The following CD300A variants were observed in gnomAD, a reference collection of about 807,000 sequenced individuals.
CD300A encodes the protein CD300a molecule, also known as CMRF35-like molecule 8.
In CD300A, 22 loss-of-function variants were observed where a neutral mutation model predicts 33.6. The ratio of observed to expected loss-of-function variants is 0.66; its 90% confidence interval spans 0.47 to 0.94. CD300A has a LOEUF of 0.94. Among genes scored for constraint, CD300A ranks in the 40% least tolerant of loss-of-function variants. The pLI, the probability that CD300A is intolerant of heterozygous loss-of-function variation, is 0.00. For synonymous variants in CD300A, 136 were observed against 148.1 expected (o/e 0.92, Z 0.59); for missense variants, 326 against 360.5 (o/e 0.90, Z 0.77).
chr17:74,480,240 C>T lies in CD300A; in HGVS notation c.629-1049C>T, dbSNP rs1303224282. Among the ~76,000 whole-genome samples the T allele has an allele frequency of 6.6e-6, 1 of 152,122 alleles. No homozygotes were observed. The highest frequency in any genetic ancestry group is 2.4e-5 in the African/African-American group (1 of 41,440). On this transcript the variant is annotated intron_variant, in intron 4 of 6. Transcript: ENST00000360141. The surrounding 1 kb of genome is among the most constrained non-coding windows in gnomAD (Gnocchi z 4.2). ...GTCACTATACGTGGTCTTGTGTCTC[C>T]CAACCGTGGGCTCCTCCCCTTTAAT...
Position 74,483,893 on chromosome 17 carries a change from G to A in CD300A, c.775-108G>A, listed in dbSNP as rs145985844. The stretch of plus-strand genomic sequence containing the variant: ...GCCAGGACAGTGGAGCCTCTACAGT[G>A]AGGCCTCCCCAAAGCCCCTCAGGTG... On this transcript the variant is annotated intron_variant, in intron 6 of 6. Coordinates refer to ENST00000360141, the MANE Select transcript of CD300A (RefSeq NM_007261.4). The A allele has an allele frequency of 1.6e-4, 209 of 1,276,534 alleles. 1 individual carries two copies. In the African/African-American group the frequency reaches 2.6e-3, roughly 16 times the overall value. 79.1% of individuals were successfully genotyped at this position (1,276,534 alleles called of 1,614,324 possible).
chr17:74,475,137 G>A (rs1356031546), intron 3 of CD300A, among the ~76,000 whole-genome samples: 1 of 152,114 alleles, frequency 6.6e-6, no homozygotes, highest in Non-Finnish European at 1.5e-5. Context: ...AAGGCAGAAG[G>A]CAAAAGGCAT....
intron 3 of CD300A, among the ~76,000 whole-genome samples, chr17:74,476,672 C>T (rs1189152265): frequency 6.6e-6 from 1 of 152,202 alleles, no homozygotes; most frequent in African/African-American, 2.4e-5. Context: ...GGTGGAGCTG[C>T]AAGGCGATTT....
At chr17:74,478,912 C>A (rs1906653086) in intron 4 of CD300A, among the ~76,000 whole-genome samples, 1 of 152,176 alleles carries the variant, frequency 6.6e-6, no homozygotes, top group African/African-American at 2.4e-5. Context: ...TTGTGTGTGT[C>A]ATTTTCTGGT....
At chr17:74,466,868 C>T in intron 1 of CD300A, 125 bp downstream of exon 1, 4 of 1,528,886 alleles carry the variant, frequency 2.6e-6, no homozygotes, top group East Asian at 2.5e-5. Flanking sequence ...GAATGCGGTG[C>T]GCTCTGTCTA....
chr17:74,482,654 G>A (rs1254158830), intron 6 of CD300A, among the ~76,000 whole-genome samples: 2 of 149,048 alleles, frequency 1.3e-5, no homozygotes, highest in African/African-American at 2.6e-5. Context: ...TGGGGGCCCA[G>A]GGTCCTGGAT....
chr17:74,482,697 C>CCTTCCTTTCTTTCTTTCTTT (rs760621763), intron 6 of CD300A, among the ~76,000 whole-genome samples: 6 of 130,132 alleles, frequency 4.6e-5, no homozygotes, highest in African/African-American at 2.3e-4. Context: ...TTCCTTCCTT[C>CCTTCCTTTCTTTCTTTCTTT]CTTTCTTTCT....
intron 1 of CD300A, among the ~76,000 whole-genome samples, chr17:74,469,229 T>TA (rs1160315636): frequency 5.3e-5 from 8 of 151,894 alleles, no homozygotes; most frequent in East Asian, 1.9e-4. Flanking sequence ...TGGTCTACAT[T>TA]AAAAAAAATC....
At position 74,480,053 on chromosome 17, in the gene CD300A, T is replaced by G. The variant is rs1457248492; in HGVS notation, c.629-1236T>G. On this transcript the variant is annotated intron_variant, in intron 4 of 6. Transcript: ENST00000360141. This position sits in a 1 kb window ranked among gnomAD's most constrained non-coding sequence, Gnocchi z 4.2. ...TTCCCGGGCGTTGAACTCCTGTCTC[T>G]TCCCCACCAGCTCTTTTTCTCCTTC... Among the ~76,000 whole-genome samples the G allele has an allele frequency of 1.3e-5, 2 of 152,124 alleles. No individual in the cohort carries two copies. Among genetic ancestry groups the G allele is most frequent in the African/African-American group, 4.8e-5 (2 of 41,430 alleles).
intron 3 of CD300A, among the ~76,000 whole-genome samples, chr17:74,476,530 T>C (rs1442010022): frequency 6.6e-6 from 1 of 152,012 alleles, no homozygotes; most frequent in Non-Finnish European, 1.5e-5. Context: ...GGGTGGGTAA[T>C]CTAAGAAAAA....
At chr17:74,468,191 T>C (rs554142049) in intron 1 of CD300A, among the ~76,000 whole-genome samples, 7 of 151,720 alleles carry the variant, frequency 4.6e-5, no homozygotes, top group South Asian at 2.1e-4. Flanking sequence ...TGTACCACCA[T>C]GCCTGGTTAA....
rs1906274259 is a variant in CD300A at position 74,473,828 on chromosome 17, A to C, written c.333A>C (p.Arg111=). 2 of 1,613,586 alleles carry C rather than the reference A, an allele frequency of 1.2e-6. No individual in the cohort carries two copies. The highest frequency in any genetic ancestry group is 1.7e-6 in the Non-Finnish European group (2 of 1,179,500). The change falls in exon 2 of 7, where the codon CGA becomes CGC. Residue 111 remains arginine (R), a synonymous_variant. Transcript: ENST00000360141. ...YWCGVDTPWL[R]DFHDPVVEVE... is the part of the protein sequence containing the mutation. ...GTGGGGTGGATACACCATGGCTCCG[A>C]GACTTTCATGATCCCGTTGTCGAGG...
chr17:74,482,709 T>C (rs2014917), intron 6 of CD300A, among the ~76,000 whole-genome samples: 11,433 of 110,570 alleles, frequency 0.1, 814 homozygotes, highest in African/African-American at 0.21. Context: ...TTTCTTTCTT[T>C]CTTTCTTTCT....
In CD300A at chr17:74,466,804, C is replaced by G. The variant is rs922874032; in HGVS notation, c.40+61C>G. The G allele has an allele frequency of 1.0e-5, 16 of 1,554,672 alleles. No individual in the cohort carries two copies. The African/African-American group carries it at 2.0e-4, about 20-fold the overall frequency. Reference sequence around the variant, plus strand: ...GGAGGGAGGGTGCGAGGGGCAGGGCCGCAGGGCAGGTATCACACGAGACGC... The same window carrying G: ...GGAGGGAGGGTGCGAGGGGCAGGGCGGCAGGGCAGGTATCACACGAGACGC... On this transcript the variant is annotated intron_variant, in intron 1 of 6. Coordinates refer to ENST00000360141, the MANE Select transcript of CD300A (RefSeq NM_007261.4).
In CD300A at chr17:74,474,789, C is replaced by T. The variant is rs916535564; in HGVS notation, c.533+104C>T. On this transcript the variant is annotated intron_variant, in intron 3 of 6. Coordinates refer to ENST00000360141, the MANE Select transcript of CD300A (RefSeq NM_007261.4). ...GGGCCAGCTGGAGGTGTGCATCGCT[C>T]CCTTTGCCCCAGGCCCAGGTTGGAA... The T allele has an allele frequency of 3.9e-6, 5 of 1,285,280 alleles. No homozygotes were observed. In the African/African-American group the frequency reaches 7.5e-5, roughly 19 times the overall value. 79.6% of individuals were successfully genotyped at this position (1,285,280 alleles called of 1,614,324 possible). A position where few individuals can be genotyped will look rare whatever the true frequency, so the allele number is the denominator to read the frequency against.
chr17:74,470,455 G>T lies in CD300A; in HGVS notation c.41-3081G>T, dbSNP rs1040906320. On this transcript the variant is annotated intron_variant, in intron 1 of 6. Transcript: ENST00000360141. ...AGAAAGAAACTAAATCCGAAGGGAA[G>T]TCAGACACTGGAGGTAGGACGAGAG... Among the ~76,000 whole-genome samples the T allele has an allele frequency of 3.3e-5, 5 of 152,116 alleles. No individual in the cohort carries two copies. The East Asian group carries it at 9.6e-4, about 29-fold the overall frequency.
Position 74,481,331 on chromosome 17 carries a change from G to A in CD300A, c.666+5G>A, listed in dbSNP as rs370954140. 3.7e-6 allele frequency: 6 copies of A among 1,613,654 alleles called. No homozygotes were observed. The Admixed American group carries it at 6.7e-5, about 18-fold the overall frequency. On this transcript the variant is annotated splice_donor_5th_base_variant and intron_variant, in intron 5 of 6. Transcript: ENST00000360141. ...CTGTCCCAGAACCCCAAGCAGGTAA[G>A]GGGGCTTTAGCAGGAGGTGTATCAG...
At chr17:74,472,582 T>C (rs1906174445) in intron 1 of CD300A, among the ~76,000 whole-genome samples, 1 of 152,042 alleles carries the variant, frequency 6.6e-6, no homozygotes, top group Non-Finnish European at 1.5e-5. Flanking sequence ...GATGAAAGTT[T>C]TCGTCAGCAA....
At chr17:74,471,025 C>A (rs1248253888) in intron 1 of CD300A, among the ~76,000 whole-genome samples, 2 of 152,162 alleles carry the variant, frequency 1.3e-5, no homozygotes, top group African/African-American at 4.8e-5. Flanking sequence ...TAGCTCACTG[C>A]AGCCACAACC....
Sources: gnomAD v4.1 joint callset for allele counts (sites outside exome capture counted in the v4.1 genomes callset) on GRCh38, gnomAD v4.1.1 for gene constraint, Gnocchi (gnomAD v3.1) non-coding constraint, MANE v1.5 for transcripts, NCBI Gene and HGNC (gene_info 2026-07-23, HGNC 2026-07-21) for gene names.